The following SLC4A4 variants were observed in gnomAD, a reference collection of about 807,000 sequenced individuals.
SLC4A4 encodes solute carrier family 4 member 4.
A neutral mutation model predicts 111.5 loss-of-function variants in SLC4A4; 27 were observed. The ratio of observed to expected loss-of-function variants is 0.24; its 90% confidence interval spans 0.18 to 0.33. The LOEUF is 0.33. Among genes scored for constraint, SLC4A4 ranks in the 10% least tolerant of loss-of-function variants. The pLI, the probability that SLC4A4 is intolerant of heterozygous loss-of-function variation, is 1.00. For synonymous variants in SLC4A4, 443 were observed against 463.4 expected (o/e 0.96, Z 0.57); for missense variants, 909 against 1,315.5 (o/e 0.69, Z 4.78).
intron 13 of SLC4A4, among the ~76,000 whole-genome samples, chr4:71,467,081 T>G (rs893196498): frequency 6.6e-6 from 1 of 151,936 alleles, no homozygotes; most frequent in African/African-American, 2.4e-5. Context: ...AAGTGGCTCA[T>G]CCACCTTGAC....
intron 2 of SLC4A4, among the ~76,000 whole-genome samples, chr4:71,151,218 G>T (rs955185821): frequency 6.6e-6 from 1 of 152,180 alleles, no homozygotes; most frequent in East Asian, 1.9e-4. Flanking sequence ...CTGGTTTGCT[G>T]CCAACCTCTT....
At chr4:71,241,973 C>A (rs182831335) in intron 2 of SLC4A4, among the ~76,000 whole-genome samples, 1 of 152,198 alleles carries the variant, frequency 6.6e-6, no homozygotes, top group Admixed American at 6.5e-5. Context: ...TGCCTGACAT[C>A]TCTTGCTGTG....
At chr4:71,299,700 T>C (rs1174483296) in intron 3 of SLC4A4, among the ~76,000 whole-genome samples, 1 of 152,040 alleles carries the variant, frequency 6.6e-6, no homozygotes, top group Non-Finnish European at 1.5e-5. Flanking sequence ...TCTCTAGGCA[T>C]TGCTGGAACT....
At chr4:71,433,767 A>C (rs764111230) in intron 7 of SLC4A4, among the ~76,000 whole-genome samples, 2 of 152,094 alleles carry the variant, frequency 1.3e-5, no homozygotes, top group Non-Finnish European at 2.9e-5. Flanking sequence ...ATACATATTA[A>C]ACAATCTCAA....
chr4:71,436,982 G>T, intron 7 of SLC4A4: 2 of 346,284 alleles, frequency 5.8e-6, no homozygotes, highest in South Asian at 2.3e-5. Flanking sequence ...TAAAAAAAAA[G>T]ATTCTTCAAA....
chr4:71,242,938 G>C (rs577081881), intron 2 of SLC4A4, among the ~76,000 whole-genome samples: 1 of 152,142 alleles, frequency 6.6e-6, no homozygotes, highest in East Asian at 1.9e-4. Context: ...ACTTCCCAAG[G>C]CTTACTCTCT....
At chr4:71,466,216 A>G (rs1727295461) in intron 12 of SLC4A4, among the ~76,000 whole-genome samples, 1 of 152,142 alleles carries the variant, frequency 6.6e-6, no homozygotes, top group Non-Finnish European at 1.5e-5. Flanking sequence ...AGTGCTTTAG[A>G]GCAGGTCGAC....
intron 12 of SLC4A4, 150 bp from the exon 13 acceptor site, chr4:71,466,294 A>G (rs907261087): frequency 2.4e-6 from 2 of 841,890 alleles, no homozygotes; most frequent in African/African-American, 3.4e-5. Flanking sequence ...GGCAATATGC[A>G]TATGGGTAAA....
chr4:71,230,513 G>T (rs190553411), intron 1 of SLC4A4, among the ~76,000 whole-genome samples: 2 of 152,156 alleles, frequency 1.3e-5, no homozygotes, highest in Non-Finnish European at 1.5e-5. Context: ...GGGGTTCACC[G>T]GATGTCATAA....
chr4:71,328,079 G>A (rs921825198), intron 3 of SLC4A4, among the ~76,000 whole-genome samples: 5 of 151,766 alleles, frequency 3.3e-5, no homozygotes, highest in South Asian at 2.1e-4. Flanking sequence ...AAGTGAGGAC[G>A]TGCAAAATTT....
chr4:71,179,083 A>C (rs964443775), intron 2 of SLC4A4, among the ~76,000 whole-genome samples: 1 of 152,242 alleles, frequency 6.6e-6, no homozygotes, highest in Admixed American at 6.5e-5. Context: ...CCAGCATATA[A>C]ACAGAACCAA....
chr4:71,305,769 C>G (rs2579347), intron 3 of SLC4A4, among the ~76,000 whole-genome samples: 1 of 152,160 alleles, frequency 6.6e-6, no homozygotes, highest in African/African-American at 2.4e-5. Flanking sequence ...GGAAAAGGAG[C>G]TAACACGTGG....
At position 71,373,684 on chromosome 4, in the gene SLC4A4, G is replaced by A. The variant is rs60506147; in HGVS notation, c.730+16497G>A. ...GGAGATAGCATGGTTAGAACTTTATGTTAGGGAAATTAACCTGTCAGTCAT... is the reference window on the plus strand; with the variant it reads ...GGAGATAGCATGGTTAGAACTTTATATTAGGGAAATTAACCTGTCAGTCAT... On this transcript the variant is annotated intron_variant, in intron 6 of 25. Transcript: ENST00000264485. Among the ~76,000 whole-genome samples, 1,362 of 152,298 alleles carry A rather than the reference G, an allele frequency of 8.9e-3. 23 individuals are homozygous for A. Among genetic ancestry groups the A allele is most frequent in the African/African-American group, 0.029 (1,211 of 41,568 alleles).
At chr4:71,124,292 C>T (rs1199616986) in intron 2 of SLC4A4, among the ~76,000 whole-genome samples, 1 of 151,670 alleles carries the variant, frequency 6.6e-6, no homozygotes, top group African/African-American at 2.4e-5. Context: ...CTGCCTCAGC[C>T]TTCTGAACAG....
chr4:71,415,243 G>A (rs1018017934), intron 7 of SLC4A4, among the ~76,000 whole-genome samples: 1 of 152,190 alleles, frequency 6.6e-6, no homozygotes, highest in African/African-American at 2.4e-5. Flanking sequence ...TCTTTTTAAA[G>A]TTCAGATGAT....
chr4:71,476,805 G>GA (rs1429477025), intron 14 of SLC4A4, among the ~76,000 whole-genome samples: 1 of 151,656 alleles, frequency 6.6e-6, no homozygotes, highest in Non-Finnish European at 1.5e-5. Flanking sequence ...GTGCTAGTAG[G>GA]AAAATCAGTC....
At chr4:71,084,650 C>A (rs909660328) in intron 1 of SLC4A4, among the ~76,000 whole-genome samples, 7 of 151,880 alleles carry the variant, frequency 4.6e-5, no homozygotes, top group Non-Finnish European at 8.8e-5. Flanking sequence ...TAAGAACATG[C>A]GGTGTTTGGT....
chr4:71,515,425 G>C (rs557080367), intron 16 of SLC4A4, among the ~76,000 whole-genome samples: 2 of 152,240 alleles, frequency 1.3e-5, no homozygotes, highest in Admixed American at 1.3e-4. Flanking sequence ...TCCATGTGCT[G>C]ATGAAAGAAA....
At chr4:71,454,906 G>T (rs1467691010) in intron 12 of SLC4A4, among the ~76,000 whole-genome samples, 1 of 152,082 alleles carries the variant, frequency 6.6e-6, no homozygotes, top group Non-Finnish European at 1.5e-5. Context: ...AGAGGTTGAG[G>T]TCACGCAGCA....
Sources: gnomAD v4.1 joint callset for allele counts (sites outside exome capture counted in the v4.1 genomes callset) on GRCh38, gnomAD v4.1.1 for gene constraint, MANE v1.5 for transcripts, NCBI Gene and HGNC (gene_info 2026-07-23, HGNC 2026-07-21) for gene names.